The following EFCAB13 variants were observed in gnomAD, a reference collection of about 807,000 sequenced individuals.
EFCAB13 encodes the protein EF-hand calcium-binding domain-containing protein 13.
Under a neutral mutation model 110.2 loss-of-function variants are expected in EFCAB13, and 91 were observed. The ratio of observed to expected loss-of-function variants is 0.83; its 90% CI spans 0.70 to 0.98. The LOEUF is 0.98. Ranked by LOEUF, EFCAB13 falls within the 50% of genes least tolerant of loss-of-function variation. The pLI is 0.00. For synonymous variants in EFCAB13, 323 were observed against 369.9 expected, an observed-to-expected ratio of 0.87 and a Z score of 1.45; for missense variants, 968 against 1,119.4, an observed-to-expected ratio of 0.86 and a Z score of 1.93.
intron 14 of EFCAB13, among the ~76,000 whole-genome samples, chr17:47,380,880 C>T (rs988514529): frequency 1.5e-4 from 18 of 122,896 alleles, no homozygotes; most frequent in African/African-American, 3.6e-4. Flanking sequence ...ATTGCTTCTT[C>T]TTTTTTTTTT....
At chr17:47,370,819 G>A (rs561888670) in intron 11 of EFCAB13, among the ~76,000 whole-genome samples, 1 of 146,704 alleles carries the variant, frequency 6.8e-6, no homozygotes, top group East Asian at 2.1e-4. Flanking sequence ...TTGGCTCACT[G>A]CAACCTCTGC....
rs190163476 is a variant in EFCAB13, at chr17:47,435,913, C to T, written c.2639-4518C>T. On this transcript the variant is annotated intron_variant, in intron 24 of 24. Coordinates refer to ENST00000331493, the MANE Select transcript of EFCAB13 (RefSeq NM_152347.5). ...TTTTTGCCATTCAGTATTATGTCGGCTGTGGGTTTGTCATAGATGGCTTTT... is the reference window on the plus strand; with the variant it reads ...TTTTTGCCATTCAGTATTATGTCGGTTGTGGGTTTGTCATAGATGGCTTTT... 8.8e-3 allele frequency among the ~76,000 whole-genome samples: 1,337 copies of T among 152,198 alleles called. 18 individuals are homozygous for T. Among genetic ancestry groups the T allele is most frequent in the African/African-American group, 0.031 (1,283 of 41,514 alleles).
intron 14 of EFCAB13, among the ~76,000 whole-genome samples, chr17:47,383,757 T>C (rs893574058): frequency 1.4e-4 from 22 of 152,086 alleles, no homozygotes; most frequent in African/African-American, 5.1e-4. Flanking sequence ...ATTCTGTTGA[T>C]TGGGGGTGGT....
rs919777724 is a variant in EFCAB13 at position 47,413,657 on chromosome 17, A to T, written c.2422+741A>T. Among the ~76,000 whole-genome samples the T allele has an allele frequency of 6.6e-5, 10 of 152,070 alleles. No homozygotes were observed. In the South Asian group the frequency reaches 1.9e-3, roughly 28 times the overall value. The stretch of plus-strand genomic sequence containing the variant: ...TATGTTTTGATCTCAGTTTTCTCAC[A>T]TCATCAGAGTGGTATAAATTTAGAC... On this transcript the variant is annotated intron_variant, in intron 22 of 24. Coordinates refer to ENST00000331493, the MANE Select transcript of EFCAB13 (RefSeq NM_152347.5).
At chr17:47,350,034 A>G (rs904054583) in intron 9 of EFCAB13, among the ~76,000 whole-genome samples, 10 of 151,996 alleles carry the variant, frequency 6.6e-5, no homozygotes, top group African/African-American at 2.2e-4. Context: ...TCGGCCTCCC[A>G]AAGTGCTGGG....
intron 17 of EFCAB13, among the ~76,000 whole-genome samples, chr17:47,398,209 C>T (rs1488067362): frequency 3.5e-5 from 5 of 142,210 alleles, no homozygotes; most frequent in Admixed American, 6.9e-5. Flanking sequence ...CCCCTCTGCC[C>T]GGCCAGCCGC....
At chr17:47,370,320 T>C (rs982855915) in intron 10 of EFCAB13, 117 bp from the exon 11 acceptor site, 7 of 718,314 alleles carry the variant, frequency 9.7e-6, no homozygotes, top group African/African-American at 1.8e-5. Flanking sequence ...GACTTTGTAA[T>C]AGTTGGCTCT....
chr17:47,365,616 G>T (rs1353319495), intron 10 of EFCAB13, among the ~76,000 whole-genome samples: 1 of 152,148 alleles, frequency 6.6e-6, no homozygotes, highest in Non-Finnish European at 1.5e-5. Context: ...GTAGTTGCTT[G>T]CTGTGCTTCT....
chr17:47,340,410 T>C (rs2065377215), intron 5 of EFCAB13, among the ~76,000 whole-genome samples: 1 of 152,074 alleles, frequency 6.6e-6, no homozygotes, highest in Non-Finnish European at 1.5e-5. Flanking sequence ...GGCAATCACT[T>C]GAGCCTGGGA....
chr17:47,438,582 A>G (rs985404204), intron 24 of EFCAB13, among the ~76,000 whole-genome samples: 12 of 150,318 alleles, frequency 8.0e-5, no homozygotes, highest in Non-Finnish European at 1.6e-4. Context: ...CTACTTGTTC[A>G]GCTCTATTAC....
intron 5 of EFCAB13, among the ~76,000 whole-genome samples, chr17:47,340,766 ATTTTTTTTTTTTT>A (rs58304526): frequency 1.1e-4 from 6 of 53,990 alleles, no homozygotes; most frequent in Admixed American, 2.4e-4. Context: ...CACCTGGCTA[ATTTTTTTTTTTTT>A]TTTTTTTTTT....
intron 22 of EFCAB13, among the ~76,000 whole-genome samples, chr17:47,413,638 T>C (rs181293944): frequency 2.8e-4 from 43 of 152,282 alleles, no homozygotes; most frequent in African/African-American, 7.9e-4. Context: ...TTTTTATGTT[T>C]TGATCTCAGT....
intron 15 of EFCAB13, among the ~76,000 whole-genome samples, chr17:47,393,307 G>A (rs2065718325): frequency 6.6e-6 from 1 of 152,092 alleles, no homozygotes. Flanking sequence ...AAACCACTTT[G>A]GAAAATAATA....
chr17:47,351,909 T>G (rs2065455742), intron 9 of EFCAB13, among the ~76,000 whole-genome samples: 1 of 149,052 alleles, frequency 6.7e-6, no homozygotes, highest in Non-Finnish European at 1.5e-5. Flanking sequence ...GTTTTTTTTT[T>G]TTTTTTTTTT....
At chr17:47,414,426 C>T (rs527851565) in intron 22 of EFCAB13, among the ~76,000 whole-genome samples, 192 of 151,132 alleles carry the variant, frequency 1.3e-3, no homozygotes, top group African/African-American at 4.4e-3. Context: ...CAAAAATAGG[C>T]ATGCAGAACC....
intron 2 of EFCAB13, among the ~76,000 whole-genome samples, chr17:47,325,929 T>TATATATATATATATAGC (rs2065281442): frequency 2.8e-5 from 1 of 35,764 alleles, no homozygotes; most frequent in African/African-American, 8.3e-5. Flanking sequence ...ACAAAATATA[T>TATATATATATATATAGC]ATATATATAT....
intron 4 of EFCAB13, among the ~76,000 whole-genome samples, chr17:47,333,638 T>C (rs1420245807): frequency 2.6e-5 from 4 of 152,212 alleles, no homozygotes; most frequent in Non-Finnish European, 4.4e-5. Flanking sequence ...CCCAATTTCA[T>C]TTTTCTGCAG....
At chr17:47,404,312 AC>A (rs1567800826) in intron 19 of EFCAB13, among the ~76,000 whole-genome samples, 2 of 152,144 alleles carry the variant, frequency 1.3e-5, no homozygotes, top group African/African-American at 4.8e-5. Context: ...GCCACCTTTG[AC>A]CAAATTACTG....
At chr17:47,425,687 C>T (rs1904927390) in intron 23 of EFCAB13, among the ~76,000 whole-genome samples, 1 of 152,130 alleles carries the variant, frequency 6.6e-6, no homozygotes, top group Non-Finnish European at 1.5e-5. Flanking sequence ...GAAACTTGAA[C>T]GTGATGAACG....
Sources: allele counts gnomAD v4.1 joint callset (sites outside exome capture counted in the v4.1 genomes callset), GRCh38; gene constraint gnomAD v4.1.1; transcripts MANE v1.5; gene names NCBI Gene and HGNC (gene_info 2026-07-23, HGNC 2026-07-21).